FAM151B: variants seen among roughly 807,000 people sequenced by gnomAD.
The protein encoded by FAM151B is family with sequence similarity 151 member B.
In FAM151B, 24 loss-of-function variants were observed where a neutral mutation model predicts 31.2. The observed-to-expected ratio is 0.77, with a 90% CI of 0.56 to 1.08. The LOEUF is 1.08. Ranked by LOEUF, FAM151B falls within the 50% of genes least tolerant of loss-of-function variation. The probability of loss-of-function intolerance (pLI) is 0.00; values close to 1 mark genes in which losing one functional copy is unlikely to be tolerated. For synonymous variants in FAM151B, 105 were observed against 111.4 expected, an observed-to-expected ratio of 0.94 and a Z score of 0.36; for missense variants, 293 against 328.6, an observed-to-expected ratio of 0.89 and a Z score of 0.84.
chr5:80,500,764 A>G lies in FAM151B; in HGVS notation c.26-1028A>G. 2.2e-5 allele frequency: 30 copies of G among 1,360,416 alleles called. No individual in the cohort carries two copies. In the South Asian group the frequency reaches 3.1e-4, roughly 14 times the overall value. The allele number at this position is 1,360,416 out of a possible 1,614,324, so 84.3% of individuals were successfully genotyped here. ...GCCATATATAGCATGGGGGTACCCA[A>G]ATCTGAAGTCAGTAAATGAACTAAT... On this transcript the variant is annotated intron_variant, in intron 1 of 5. Transcript: ENST00000282226.
intron 3 of FAM151B, chr5:80,518,834 AAG>A (rs1025092927): frequency 6.6e-6 from 1 of 152,306 alleles, no homozygotes; most frequent in Middle Eastern, 3.4e-3. Context: ...GTCTCTTAGG[AAG>A]AGAGAGGGAA....
At chr5:80,510,057 G>A (rs544530052) in intron 2 of FAM151B, among the ~76,000 whole-genome samples, 17 of 152,150 alleles carry the variant, frequency 1.1e-4, no homozygotes, top group African/African-American at 4.1e-4. Flanking sequence ...TTTTGATATG[G>A]CAACACTCCA....
At chr5:80,527,606 A>C (rs1745030925) in intron 5 of FAM151B, among the ~76,000 whole-genome samples, 1 of 152,326 alleles carries the variant, frequency 6.6e-6, no homozygotes, top group South Asian at 2.1e-4. Context: ...CACAGTGGTA[A>C]GTATCTGTGT....
rs1287625626 is a variant in FAM151B at position 80,501,780 on chromosome 5, C to A, written c.26-12C>A. On this transcript the variant is annotated splice_polypyrimidine_tract_variant and intron_variant, in intron 1 of 5. Transcript: ENST00000282226. The stretch of plus-strand genomic sequence containing the variant: ...AACAATATCACTTTTCATGTAAACA[C>A]TGTTATTTTAGGATCTTGGAGTGAA... The A allele has an allele frequency of 6.3e-7, 1 of 1,577,020 alleles. No homozygotes were observed.
intron 1 of FAM151B, among the ~76,000 whole-genome samples, chr5:80,490,145 A>C (rs775989864): frequency 2.8e-4 from 42 of 152,018 alleles, no homozygotes; most frequent in Non-Finnish European, 5.6e-4. Flanking sequence ...TGTAATCTGA[A>C]CACTTTGAAA....
chr5:80,527,756 G>A (rs1003731105), intron 5 of FAM151B, among the ~76,000 whole-genome samples: 7 of 152,166 alleles, frequency 4.6e-5, no homozygotes, highest in African/African-American at 1.4e-4. Context: ...GTAAATGAAT[G>A]TGAAGGCCTA....
At chr5:80,511,420 A>G (rs1206215237) in intron 2 of FAM151B, among the ~76,000 whole-genome samples, 2 of 122,932 alleles carry the variant, frequency 1.6e-5, no homozygotes, top group Non-Finnish European at 3.2e-5. Context: ...GTTGCAATAG[A>G]GTGAGACTCT....
chr5:80,517,080 G>A (rs141736869), intron 3 of FAM151B, among the ~76,000 whole-genome samples: 22 of 152,158 alleles, frequency 1.4e-4, no homozygotes, highest in Admixed American at 5.2e-4. Context: ...CTTAATAGCC[G>A]TCACAGTTAT....
At chr5:80,496,227 G>A (rs1290307360) in intron 1 of FAM151B, among the ~76,000 whole-genome samples, 1 of 152,150 alleles carries the variant, frequency 6.6e-6, no homozygotes, top group Non-Finnish European at 1.5e-5. Flanking sequence ...GTAAGAAATT[G>A]TCACAGCCAC....
intron 2 of FAM151B, among the ~76,000 whole-genome samples, chr5:80,512,253 T>A (rs773972637): frequency 3.0e-4 from 45 of 152,232 alleles, no homozygotes; most frequent in Non-Finnish European, 4.7e-4. Context: ...TTTTGACTGA[T>A]CTTGTCAAAA....
chr5:80,494,084 C>T (rs1315193918), intron 1 of FAM151B, among the ~76,000 whole-genome samples: 1 of 152,252 alleles, frequency 6.6e-6, no homozygotes, highest in African/African-American at 2.4e-5. Context: ...AAAGAACGTA[C>T]GTTGAAATAT....
At chr5:80,511,600 T>C (rs924898835) in intron 2 of FAM151B, among the ~76,000 whole-genome samples, 3 of 152,106 alleles carry the variant, frequency 2.0e-5, no homozygotes, top group Admixed American at 6.6e-5. Flanking sequence ...TTTTATTATT[T>C]ATCTTTAAAA....
At chr5:80,493,163 G>T (rs750708855) in intron 1 of FAM151B, among the ~76,000 whole-genome samples, 13 of 152,196 alleles carry the variant, frequency 8.5e-5, no homozygotes, top group Non-Finnish European at 1.6e-4. Context: ...GTTGTGGGAA[G>T]TCAGGGACCC....
intron 4 of FAM151B, among the ~76,000 whole-genome samples, chr5:80,520,158 G>C (rs1422607211): frequency 6.6e-6 from 1 of 152,112 alleles, no homozygotes; most frequent in African/African-American, 2.4e-5. Flanking sequence ...GCTTCTGTTA[G>C]CAATCTCTTT....
At position 80,538,463 on chromosome 5, in the gene FAM151B, T is replaced by TC. The variant is rs1561383709; in HGVS notation, c.672-3210_672-3209insC. ...TTCTTTCTTTCTCTTTCTTTCTTTC[T>TC]TTCTTTCTTTCTTTCTTTCTTTCCT... On this transcript the variant is annotated intron_variant, in intron 5 of 5. Coordinates refer to ENST00000282226, the MANE Select transcript of FAM151B (RefSeq NM_205548.3). Among the ~76,000 whole-genome samples, 116 of 115,272 alleles carry TC rather than the reference T, an allele frequency of 1.0e-3. 2 individuals carry two copies. Among genetic ancestry groups the TC allele is most frequent in the Middle Eastern group, 4.0e-3 (1 of 248 alleles). 75.6% of individuals were successfully genotyped at this position (115,272 alleles called of 152,430 possible).
intron 1 of FAM151B, among the ~76,000 whole-genome samples, chr5:80,496,967 C>T (rs1462353746): frequency 6.6e-6 from 1 of 151,792 alleles, no homozygotes; most frequent in East Asian, 2.0e-4. Context: ...TGAGCCACCA[C>T]ACCCAGCTAA....
At chr5:80,539,248 A>G (rs1440380033) in intron 5 of FAM151B, among the ~76,000 whole-genome samples, 1 of 150,926 alleles carries the variant, frequency 6.6e-6, no homozygotes, top group Non-Finnish European at 1.5e-5. Flanking sequence ...TTCCTCATCC[A>G]CCTTCATAGT....
intron 5 of FAM151B, among the ~76,000 whole-genome samples, chr5:80,530,894 T>C (rs1733272957): frequency 6.6e-6 from 1 of 152,128 alleles, no homozygotes; most frequent in African/African-American, 2.4e-5. Flanking sequence ...TACTTTAAAA[T>C]TCATATGGAA....
intron 1 of FAM151B, among the ~76,000 whole-genome samples, chr5:80,491,089 A>G (rs1169308834): frequency 6.6e-6 from 1 of 152,196 alleles, no homozygotes; most frequent in Non-Finnish European, 1.5e-5. Flanking sequence ...TATACATGGT[A>G]GAATGATTAA....
Sources: gnomAD v4.1 joint callset for allele counts (sites outside exome capture counted in the v4.1 genomes callset) on GRCh38, gnomAD v4.1.1 for gene constraint, MANE v1.5 for transcripts, NCBI Gene and HGNC (gene_info 2026-07-23, HGNC 2026-07-21) for gene names.